The following WASHC5 variants were observed in gnomAD, a reference collection of about 807,000 sequenced individuals.
The protein encoded by WASHC5 is WASH complex subunit strumpellin.
Under a neutral mutation model 150.4 loss-of-function variants are expected in WASHC5, and 101 were observed. The observed-to-expected ratio is 0.67, with a 90% CI of 0.57 to 0.79. The LOEUF is 0.79. Ranked by LOEUF, WASHC5 falls within the 30% of genes least tolerant of loss-of-function variation. The probability of loss-of-function intolerance (pLI) is 0.00; values close to 1 mark genes in which losing one functional copy is unlikely to be tolerated. For missense variants in WASHC5, 1,195 were observed against 1,396.3 expected (o/e 0.86, Z 2.30); for synonymous variants, 467 against 491.2 (o/e 0.95, Z 0.65).
chr8:125,075,024 G>C lies in WASHC5; in HGVS notation c.952C>G (p.Leu318Val). ...TGTTCTCTGACATTTGAAAGGTCCA[G>C]GGTATTATTTAAAGCAGTTTTTGCA... is the stretch of plus-strand genomic sequence containing the variant. ...KAAKTALNNTLDLSNVREQAS... is the reference protein window; with the variant it reads ...KAAKTALNNTVDLSNVREQAS... The change falls in exon 8 of 29, where the codon CTG (leucine) becomes GTG (valine). Residue 318 changes from leucine to valine, a missense_variant. Coordinates refer to ENST00000318410, the MANE Select transcript of WASHC5 (RefSeq NM_014846.4). 1 of 1,610,924 alleles carries C rather than the reference G, an allele frequency of 6.2e-7. No individual in the cohort carries two copies. The highest frequency in any genetic ancestry group is 2.2e-5 in the East Asian group (1 of 44,770).
In WASHC5 at chr8:125,058,340, A is replaced by G. The variant is rs548709045; in HGVS notation, c.1765-674T>C. Among the ~76,000 whole-genome samples, 133 of 152,102 alleles carry G rather than the reference A, an allele frequency of 8.7e-4. 4 individuals carry two copies. The South Asian group carries it at 0.02, about 22-fold the overall frequency. ...GGCAGGAGGATCGCTTGAGCCTGGG[A>G]GTTTGAGACACAGCCTGGGCAACAC... On this transcript the variant is annotated intron_variant, in intron 14 of 28. Coordinates refer to ENST00000318410, the MANE Select transcript of WASHC5 (RefSeq NM_014846.4).
At chr8:125,044,378 T>A in intron 21 of WASHC5, 158 bp downstream of exon 21, 1 of 814,384 alleles carries the variant, frequency 1.2e-6, no homozygotes, top group Non-Finnish European at 2.1e-6. Flanking sequence ...AATTCTAGTT[T>A]ATTCCCAGCT....
chr8:125,045,163 C>A (rs1489223647), intron 20 of WASHC5, among the ~76,000 whole-genome samples: 1 of 152,148 alleles, frequency 6.6e-6, no homozygotes, highest in Non-Finnish European at 1.5e-5. Context: ...GACGACAAAG[C>A]AATTTGCTTT....
intron 23 of WASHC5, among the ~76,000 whole-genome samples, chr8:125,041,513 C>T (rs1285097638): frequency 6.6e-6 from 1 of 151,990 alleles, no homozygotes; most frequent in African/African-American, 2.4e-5. Flanking sequence ...TGGTGGTGGA[C>T]ACCTGTAATC....
chr8:125,062,323 T>C (rs1816620006), intron 11 of WASHC5, among the ~76,000 whole-genome samples: 1 of 152,206 alleles, frequency 6.6e-6, no homozygotes, highest in South Asian at 2.1e-4. Flanking sequence ...ACTGTGAAAG[T>C]ATGTCCTAAG....
intron 1 of WASHC5, among the ~76,000 whole-genome samples, chr8:125,087,066 T>G (rs1185863058): frequency 6.6e-6 from 1 of 152,220 alleles, no homozygotes; most frequent in Non-Finnish European, 1.5e-5. Flanking sequence ...TTTTAACATA[T>G]TGTATTGTTT....
chr8:125,050,206 C>T (rs7002684), intron 18 of WASHC5, among the ~76,000 whole-genome samples: 16,602 of 151,898 alleles, frequency 0.11, 2,121 homozygotes, highest in African/African-American at 0.31. Context: ...AAAATTATAA[C>T]CTTTATAGTT....
Position 125,044,694 on chromosome 8 carries a change from T to C in WASHC5, c.2509A>G (p.Thr837Ala). Reference protein sequence around the residue: ...EILRITDPKMTCHIDQLNTWY... With the variant: ...EILRITDPKMACHIDQLNTWY... ...GTGTTCAGCTGGTCTATGTGACATGTCATTCTAAAATGAAAACAATGCAAA... is the reference window on the plus strand; with the variant it reads ...GTGTTCAGCTGGTCTATGTGACATGCCATTCTAAAATGAAAACAATGCAAA... Residue 837 changes from threonine (T) to alanine (A), a missense_variant, in exon 21 of 29, where the codon ACA (threonine) becomes GCA (alanine). Around this residue, in one of 3 missense-constraint regions of WASHC5, gnomAD observed 997 missense variants for 1,168.1 expected, o/e 0.85. Coordinates refer to ENST00000318410, the MANE Select transcript of WASHC5 (RefSeq NM_014846.4). 1 of 1,614,014 alleles carries C rather than the reference T, an allele frequency of 6.2e-7. No individual in the cohort carries two copies. Among genetic ancestry groups the C allele is most frequent in the Non-Finnish European group, 8.5e-7 (1 of 1,179,920 alleles).
chr8:125,031,463 G>C (rs1027018346), intron 27 of WASHC5, among the ~76,000 whole-genome samples: 17 of 152,066 alleles, frequency 1.1e-4, no homozygotes, highest in Non-Finnish European at 2.9e-5. Flanking sequence ...TTTTTTAGTA[G>C]AGATGGGGTT....
Position 125,063,568 on chromosome 8 carries a change from A to G in WASHC5, c.1362T>C (p.Ala454=). 3 of 1,613,984 alleles carry G rather than the reference A, an allele frequency of 1.9e-6. No individual in the cohort carries two copies. Among genetic ancestry groups the G allele is most frequent in the Non-Finnish European group, 2.5e-6 (3 of 1,179,888 alleles). The part of the protein sequence containing the change: ...KEGSERMTEL[A]DVFSGVKPLT... ...GGGGTTTCACTCCTGAAAAGACATCAGCAAGCTCAGTCATCCGCTCCGAAC... is the reference window on the plus strand; with the variant it reads ...GGGGTTTCACTCCTGAAAAGACATCGGCAAGCTCAGTCATCCGCTCCGAAC... Residue 454 remains alanine, a synonymous_variant, in exon 11 of 29, where the codon GCT becomes GCC. Coordinates refer to ENST00000318410, the MANE Select transcript of WASHC5 (RefSeq NM_014846.4).
intron 11 of WASHC5, 81 bp from the exon 12 acceptor site, chr8:125,061,275 A>C (rs990582193): frequency 2.0e-5 from 16 of 814,866 alleles, no homozygotes; most frequent in Admixed American, 1.9e-4. Context: ...ATAATCTTTT[A>C]TAAATTCAGT....
Position 125,081,664 on chromosome 8 carries a change from T to C in WASHC5, c.515A>G (p.Tyr172Cys). 1 of 1,590,516 alleles carries C rather than the reference T, an allele frequency of 6.3e-7. No individual in the cohort carries two copies. The highest frequency in any genetic ancestry group is 8.6e-7 in the Non-Finnish European group (1 of 1,159,238). ...RERMLVSYYR[Y>C]SAARSSADSN... ...TGTAGTCCTAGCCCAGGAATACCTG[T>C]ATCGGTAGTAAGAAACCAGCATCCT... Residue 172 changes from tyrosine (Y) to cysteine (C), a missense_variant, in exon 5 of 29, where the codon TAC (tyrosine) becomes TGC (cysteine). By Grantham distance (194) the Tyr-to-Cys change is radical. Around this residue, in one of 3 missense-constraint regions of WASHC5, gnomAD observed 195 missense variants for 206.9 expected, o/e 0.94. Coordinates refer to ENST00000318410, the MANE Select transcript of WASHC5 (RefSeq NM_014846.4).
At chr8:125,065,791 AT>A (rs1454114304) in intron 10 of WASHC5, among the ~76,000 whole-genome samples, 1 of 151,686 alleles carries the variant, frequency 6.6e-6, no homozygotes, top group African/African-American at 2.4e-5. Flanking sequence ...TAATTTTTGT[AT>A]TTTTAGTACA....
chr8:125,052,143 G>A (rs947087122), intron 17 of WASHC5, among the ~76,000 whole-genome samples: 1 of 152,116 alleles, frequency 6.6e-6, no homozygotes, highest in Non-Finnish European at 1.5e-5. Flanking sequence ...CAGCATCTGT[G>A]CTTTATTATA....
chr8:125,081,147 T>A (rs1251031067), intron 5 of WASHC5, among the ~76,000 whole-genome samples: 1 of 151,928 alleles, frequency 6.6e-6, no homozygotes, highest in African/African-American at 2.4e-5. Flanking sequence ...ATACTTGATA[T>A]GTAATACATA....
chr8:125,038,753 C>G (rs1205579547), intron 25 of WASHC5, 77 bp downstream of exon 25: 1 of 1,559,064 alleles, frequency 6.4e-7, no homozygotes, highest in African/African-American at 1.4e-5. Context: ...TCTGGTATTT[C>G]TGCACAGTAA....
chr8:125,055,400 G>A (rs1426069754), intron 17 of WASHC5, among the ~76,000 whole-genome samples, 191 bp downstream of exon 17: 1 of 147,466 alleles, frequency 6.8e-6, no homozygotes, highest in Non-Finnish European at 1.5e-5. Flanking sequence ...TCCAGCCTGG[G>A]CAACAGAGAG....
At position 125,067,604 on chromosome 8, in the gene WASHC5, A is replaced by G; in HGVS notation, c.1266T>C (p.Phe422=). 2 of 1,611,740 alleles carry G rather than the reference A, an allele frequency of 1.2e-6. No homozygotes were observed. Among genetic ancestry groups the G allele is most frequent in the Middle Eastern group, 3.3e-4 (2 of 6,054 alleles). The change falls in exon 10 of 29, where the codon TTT becomes TTC. Residue 422 remains phenylalanine, a synonymous_variant. Transcript: ENST00000318410. ...QLLLDTAQFE[F]ILKEMFKQML... is the part of the protein sequence containing the mutation. ...CAAATATTTTTACCTCTTTGAGTAT[A>G]AACTCAAATTGTGCAGTATCTAACA...
chr8:125,063,936 T>G (rs1371595391), intron 10 of WASHC5, among the ~76,000 whole-genome samples: 1 of 152,074 alleles, frequency 6.6e-6, no homozygotes, highest in East Asian at 1.9e-4. Flanking sequence ...CCCCAAAGAT[T>G]CTCGTTCAGG....
Sources: allele counts gnomAD v4.1 joint callset (sites outside exome capture counted in the v4.1 genomes callset), GRCh38; gene constraint gnomAD v4.1.1; regional missense constraint gnomAD v4.1.1; transcripts MANE v1.5; gene names NCBI Gene and HGNC (gene_info 2026-07-23, HGNC 2026-07-21).